Variants in ANKIB1 observed in about 807,000 individuals in gnomAD.
ANKIB1 encodes the protein ankyrin repeat and IBR domain containing 1, also known as ankyrin repeat and IBR domain-containing protein 1.
In ANKIB1, 43 loss-of-function variants were observed where a neutral mutation model predicts 122.1. That is an observed-to-expected ratio of 0.35 (90% CI 0.28 to 0.45). ANKIB1 has a LOEUF of 0.45. ANKIB1 is among the 20% of genes least tolerant of loss of function. The probability of loss-of-function intolerance (pLI) is 1.00; values close to 1 mark genes in which losing one functional copy is unlikely to be tolerated. For missense variants in ANKIB1, 992 were observed against 1,329.5 expected, an observed-to-expected ratio of 0.75 and a Z score of 3.95; for synonymous variants, 390 against 442.0, an observed-to-expected ratio of 0.88 and a Z score of 1.48.
chr7:92,356,147 C>CCTACTT (rs1256491187), intron 9 of ANKIB1, among the ~76,000 whole-genome samples: 2 of 151,952 alleles, frequency 1.3e-5, no homozygotes, highest in Admixed American at 1.3e-4. Context: ...TTGATCAATA[C>CCTACTT]CTACTTCTTT....
chr7:92,246,080 T>G lies in ANKIB1; in HGVS notation c.-530T>G, dbSNP rs1405586754. The G allele has an allele frequency of 3.6e-6, 1 of 279,498 alleles. No homozygotes were observed. Among genetic ancestry groups the G allele is most frequent in the Non-Finnish European group, 6.9e-6 (1 of 145,548 alleles). The allele number at this position is 279,498 out of a possible 1,614,324, so 17.3% of individuals were successfully genotyped here. On this transcript the variant is annotated 5_prime_UTR_variant, in exon 1 of 20. Transcript: ENST00000265742. ...GAGACTAGGGTGGTGGCGGTGGGGG[T>G]GCCAGCGGCTGAGCCGGAGCCGGAG...
chr7:92,344,816 C>G (rs1803506266), intron 6 of ANKIB1, among the ~76,000 whole-genome samples, 162 bp from the exon 7 acceptor site: 1 of 152,148 alleles, frequency 6.6e-6, no homozygotes, highest in Admixed American at 6.5e-5. Context: ...GTATTTGTTA[C>G]TGAAAGGCAC....
At chr7:92,259,471 A>G (rs1297148596) in intron 1 of ANKIB1, among the ~76,000 whole-genome samples, 2 of 152,130 alleles carry the variant, frequency 1.3e-5, no homozygotes, top group African/African-American at 4.8e-5. Flanking sequence ...ATAATTTATG[A>G]TTTTGAAGTC....
intron 2 of ANKIB1, 79 bp from the exon 3 acceptor site, chr7:92,307,280 A>G (rs1057327921): frequency 1.8e-5 from 24 of 1,369,926 alleles, no homozygotes; most frequent in Non-Finnish European, 2.4e-5. Flanking sequence ...TTATCTTTTA[A>G]AAGTGTTATC....
At chr7:92,378,889 A>G (rs1215931077) in intron 11 of ANKIB1, among the ~76,000 whole-genome samples, 1 of 152,212 alleles carries the variant, frequency 6.6e-6, no homozygotes, top group East Asian at 1.9e-4. Context: ...GTGTATCAAC[A>G]ACAGTCAACA....
intron 4 of ANKIB1, 36 bp downstream of exon 4, chr7:92,319,548 A>G (rs1562780875): frequency 6.4e-6 from 10 of 1,567,790 alleles, no homozygotes; most frequent in Admixed American, 4.0e-5. Context: ...AAAAAATTAC[A>G]TGTAATTTTA....
chr7:92,379,939 G>A (rs1041688435), intron 11 of ANKIB1, among the ~76,000 whole-genome samples: 16 of 152,146 alleles, frequency 1.1e-4, no homozygotes, highest in African/African-American at 3.4e-4. Context: ...AGCAGGGCAG[G>A]GCATCACCTC....
chr7:92,298,280 CTGTT>C (rs1802395531), intron 2 of ANKIB1, among the ~76,000 whole-genome samples: 1 of 151,762 alleles, frequency 6.6e-6, no homozygotes, highest in Non-Finnish European at 1.5e-5. Flanking sequence ...AATTATAAAA[CTGTT>C]GATATATTAC....
rs560652452 is a variant in ANKIB1, at chr7:92,400,777, C to T, written c.*1828C>T. ...AGTGATCAGAAACATTGATATCAAT[C>T]CCTATTAAATTAGTGGGGGGAATAT... On this transcript the variant is annotated 3_prime_UTR_variant, in exon 20 of 20. Coordinates refer to ENST00000265742, the MANE Select transcript of ANKIB1 (RefSeq NM_019004.2). 6.6e-6 allele frequency: 1 copy of T among 152,220 alleles called. No homozygotes were observed. Among genetic ancestry groups the T allele is most frequent in the South Asian group, 2.1e-4 (1 of 4,816 alleles). The allele number at this position is 152,220 out of a possible 1,614,324, so 9.4% of individuals were successfully genotyped here. A position where few individuals can be genotyped will look rare whatever the true frequency, so the allele number is the denominator to read the frequency against.
intron 1 of ANKIB1, among the ~76,000 whole-genome samples, chr7:92,264,863 AT>A: frequency 6.6e-6 from 1 of 152,362 alleles, no homozygotes; most frequent in East Asian, 1.9e-4. Flanking sequence ...AATACATCAA[AT>A]TTATAGCAAA....
At chr7:92,364,506 G>A (rs1223815743) in intron 10 of ANKIB1, among the ~76,000 whole-genome samples, 2 of 151,840 alleles carry the variant, frequency 1.3e-5, no homozygotes, top group African/African-American at 4.8e-5. Context: ...CAAAACAATT[G>A]GAATTTGCTT....
Position 92,307,414 on chromosome 7 carries a change from T to C in ANKIB1, c.244T>C (p.Ser82Pro). ...PNKRNVHNET[S>P]MHLLCMGPQI... ...TAAACGGAATGTGCACAATGAAACA[T>C]CTATGCATTTGTTGTGTATGGGACC... The change falls in exon 3 of 20, where the codon TCT (serine) becomes CCT (proline). Residue 82 changes from serine to proline, a missense_variant. Around this residue, in one of 4 missense-constraint regions of ANKIB1, gnomAD observed 54 missense variants for 112.3 expected, o/e 0.48. Transcript: ENST00000265742. 1.2e-6 allele frequency: 2 copies of C among 1,613,976 alleles called. No homozygotes were observed. The highest frequency in any genetic ancestry group is 1.7e-6 in the Non-Finnish European group (2 of 1,179,868).
At chr7:92,386,068 C>T (rs1311540474) in intron 11 of ANKIB1, among the ~76,000 whole-genome samples, 2 of 152,112 alleles carry the variant, frequency 1.3e-5, no homozygotes, top group East Asian at 1.9e-4. Flanking sequence ...AATGGGAAAC[C>T]GTTTTTATAT....
chr7:92,264,611 C>T (rs1801633176), intron 1 of ANKIB1, among the ~76,000 whole-genome samples: 1 of 151,978 alleles, frequency 6.6e-6, no homozygotes. Context: ...AGGGTTTCTC[C>T]ACATTGACCA....
chr7:92,307,221 G>C, intron 2 of ANKIB1, 138 bp from the exon 3 acceptor site: 1 of 827,996 alleles, frequency 1.2e-6, no homozygotes, highest in Non-Finnish European at 1.8e-6. Flanking sequence ...TCAAGCTGTT[G>C]TAAACCAGAC....
intron 19 of ANKIB1, among the ~76,000 whole-genome samples, 155 bp downstream of exon 19, chr7:92,398,014 T>C (rs1359842233): frequency 6.6e-6 from 1 of 152,214 alleles, no homozygotes; most frequent in East Asian, 1.9e-4. Flanking sequence ...TCCTATATTT[T>C]AGATTTATTT....
chr7:92,393,896 T>G (rs1017420359), intron 17 of ANKIB1, among the ~76,000 whole-genome samples: 10 of 152,134 alleles, frequency 6.6e-5, no homozygotes, highest in African/African-American at 2.4e-4. Context: ...GCTCTTTGCC[T>G]TAATAGTGAG....
intron 4 of ANKIB1, among the ~76,000 whole-genome samples, chr7:92,322,410 A>C (rs1397828679): frequency 2.6e-5 from 4 of 152,162 alleles, no homozygotes; most frequent in African/African-American, 4.8e-5. Context: ...ATATTGAAGT[A>C]TACCAAAATG....
At chr7:92,398,069 TA>T in intron 19 of ANKIB1, 142 bp from the exon 20 acceptor site, 1 of 1,093,778 alleles carries the variant, frequency 9.1e-7, no homozygotes, top group Non-Finnish European at 1.2e-6. Flanking sequence ...TGGAGAAAAA[TA>T]CAAGATTTTA....
Sources: gnomAD v4.1 joint callset for allele counts (sites outside exome capture counted in the v4.1 genomes callset) on GRCh38, gnomAD v4.1.1 for gene constraint, gnomAD v4.1.1 regional missense constraint, MANE v1.5 for transcripts, NCBI Gene and HGNC (gene_info 2026-07-23, HGNC 2026-07-21) for gene names.